CRY2: variants seen among roughly 807,000 people sequenced by gnomAD.
CRY2 encodes cryptochrome circadian regulator 2.
Under a neutral mutation model 69.5 loss-of-function variants are expected in CRY2, and 31 were observed. The observed-to-expected ratio is 0.45, with a 90% CI of 0.34 to 0.60. The LOEUF (loss-of-function observed/expected upper bound fraction) is 0.60. CRY2 is among the 20% of genes least tolerant of loss of function. The probability of loss-of-function intolerance (pLI) is 0.02; values close to 1 mark genes in which losing one functional copy is unlikely to be tolerated. For missense variants in CRY2, 606 were observed against 797.8 expected, an observed-to-expected ratio of 0.76 and a Z score of 2.90; for synonymous variants, 303 against 312.2, an observed-to-expected ratio of 0.97 and a Z score of 0.31.
chr11:45,859,892 C>T (rs980419952), intron 3 of CRY2, among the ~76,000 whole-genome samples: 2 of 152,142 alleles, frequency 1.3e-5, no homozygotes, highest in Admixed American at 6.5e-5. Flanking sequence ...GCACGTGAGC[C>T]GGGCCCTCAG....
In CRY2 at chr11:45,847,708, G is replaced by A. The variant is rs1451654259; in HGVS notation, c.215+3G>A. ...TCAGTCGGGATCAACCGATGGAGGT[G>A]AGGGGACCCGGGGCTGGGTGGCGGG... On this transcript the variant is annotated splice_donor_region_variant and intron_variant, in intron 1 of 11. Transcript: ENST00000616080. 2 of 1,558,596 alleles carry A rather than the reference G, an allele frequency of 1.3e-6. No homozygotes were observed. The highest frequency in any genetic ancestry group is 1.7e-6 in the Non-Finnish European group (2 of 1,151,246).
intron 2 of CRY2, 127 bp from the exon 3 acceptor site, chr11:45,858,604 G>GT: frequency 9.3e-7 from 1 of 1,076,304 alleles, no homozygotes; most frequent in Non-Finnish European, 1.3e-6. Context: ...CCTGTTCCTA[G>GT]TTTTTTCTGC....
chr11:45,877,307 G>A lies in CRY2; in HGVS notation c.*3-3607G>A, dbSNP rs947622864. Among the ~76,000 whole-genome samples the A allele has an allele frequency of 3.3e-5, 5 of 152,256 alleles. 1 individual carries two copies. The East Asian group carries it at 9.6e-4, about 29-fold the overall frequency. On this transcript the variant is annotated intron_variant, in intron 11 of 11. Coordinates refer to ENST00000616080, the MANE Select transcript of CRY2 (RefSeq NM_021117.5). ...TTGGGCACTGTGCCTTGCCCAATAT[G>A]ATGGGGAGAGGGAAACATTGAGACT...
Position 45,862,163 on chromosome 11 carries a change from T to G in CRY2, c.741+15T>G, listed in dbSNP as rs756348272. ...TGGAACGGAAGGTATGGGCCGTTTC[T>G]GAGACACAGAGCTGCAGATACTGAT... On this transcript the variant is annotated intron_variant, in intron 5 of 11. Coordinates refer to ENST00000616080, the MANE Select transcript of CRY2 (RefSeq NM_021117.5). 5.6e-6 allele frequency: 9 copies of G among 1,610,040 alleles called. No homozygotes were observed. In the Admixed American group the frequency reaches 1.5e-4, roughly 27 times the overall value.
At chr11:45,873,297 C>A (rs1480507526) in intron 11 of CRY2, among the ~76,000 whole-genome samples, 1 of 152,150 alleles carries the variant, frequency 6.6e-6, no homozygotes, top group African/African-American at 2.4e-5. Context: ...AGGGCCAGGC[C>A]GCAGCCATCT....
intron 11 of CRY2, among the ~76,000 whole-genome samples, chr11:45,875,524 A>G (rs1011906848): frequency 1.3e-5 from 2 of 152,196 alleles, no homozygotes; most frequent in African/African-American, 4.8e-5. Context: ...ATGCAGAGGT[A>G]AATGCCCGTC....
intron 11 of CRY2, among the ~76,000 whole-genome samples, chr11:45,875,137 A>G (rs1590773212): frequency 6.6e-6 from 1 of 152,334 alleles, no homozygotes; most frequent in East Asian, 1.9e-4. Context: ...TGCCTCCTGA[A>G]CACATTTTAG....
chr11:45,879,322 T>G (rs1187347891), intron 11 of CRY2, among the ~76,000 whole-genome samples: 3 of 152,164 alleles, frequency 2.0e-5, no homozygotes. Context: ...CCAGATAAAT[T>G]ATCATCAGAT....
chr11:45,867,918 C>G (rs2086344499), intron 6 of CRY2, 166 bp downstream of exon 6: 1 of 858,472 alleles, frequency 1.2e-6, no homozygotes, highest in African/African-American at 1.7e-5. Context: ...GACTCAATAT[C>G]CAAGAGGGCA....
chr11:45,865,638 A>G (rs2086324874), intron 5 of CRY2, among the ~76,000 whole-genome samples: 1 of 152,208 alleles, frequency 6.6e-6, no homozygotes, highest in Non-Finnish European at 1.5e-5. Context: ...CTGCTTGTGC[A>G]GAGGCAAAGG....
At chr11:45,847,158 G>A (rs549459670), upstream of CRY2, 11 of 1,543,826 alleles carry the variant, frequency 7.1e-6, no homozygotes, top group African/African-American at 1.2e-4. Flanking sequence ...ACGTGGGTAA[G>A]AGATCCGCTG....
chr11:45,866,962 G>GA (rs1289531041), intron 5 of CRY2, among the ~76,000 whole-genome samples: 271 of 149,548 alleles, frequency 1.8e-3, no homozygotes, highest in African/African-American at 6.1e-3. Flanking sequence ...TCTCAAAAAA[G>GA]AAAAAAAAAT....
Position 45,883,054 on chromosome 11 carries a change from T to C in CRY2, c.*2143T>C, listed in dbSNP as rs1184819553. 4.1e-6 allele frequency: 1 copy of C among 246,628 alleles called. No individual in the cohort carries two copies. Among genetic ancestry groups the C allele is most frequent in the Non-Finnish European group, 7.7e-6 (1 of 129,304 alleles). 15.3% of individuals were successfully genotyped at this position (246,628 alleles called of 1,614,324 possible). A position where few individuals can be genotyped will look rare whatever the true frequency, so the allele number is the denominator to read the frequency against. On this transcript the variant is annotated 3_prime_UTR_variant, in exon 12 of 12. Transcript: ENST00000616080. Reference sequence around the variant, plus strand: ...CCATGGTGGCTTCATGCCTCCCTTCTCCCAGCTCAGGTGGCCCTGAGGGCT... The same window carrying C: ...CCATGGTGGCTTCATGCCTCCCTTCCCCCAGCTCAGGTGGCCCTGAGGGCT...
At chr11:45,871,051 C>T (rs962976892) in intron 10 of CRY2, 117 bp downstream of exon 10, 1 of 793,024 alleles carries the variant, frequency 1.3e-6, no homozygotes. Context: ...CCACCTGGGG[C>T]AGTCAGATAG....
chr11:45,850,759 G>C (rs1181045998), intron 1 of CRY2, among the ~76,000 whole-genome samples: 2 of 152,092 alleles, frequency 1.3e-5, no homozygotes, highest in Non-Finnish European at 2.9e-5. Flanking sequence ...AGCCTCCCTG[G>C]GAAGGGCAAG....
At chr11:45,872,764 A>T (rs954332714) in intron 11 of CRY2, among the ~76,000 whole-genome samples, 2 of 152,210 alleles carry the variant, frequency 1.3e-5, no homozygotes, top group African/African-American at 4.8e-5. Context: ...TCTACCTATT[A>T]AAATGAGTCA....
chr11:45,860,740 A>G, intron 3 of CRY2, 108 bp from the exon 4 acceptor site: 1 of 1,269,562 alleles, frequency 7.9e-7, no homozygotes, highest in Non-Finnish European at 1.1e-6. Flanking sequence ...TGAGTGGATG[A>G]GGAAAGCCAC....
intron 11 of CRY2, among the ~76,000 whole-genome samples, chr11:45,872,567 G>A (rs1181830945): frequency 6.6e-6 from 1 of 151,956 alleles, no homozygotes; most frequent in African/African-American, 2.4e-5. Context: ...CCAACATAGT[G>A]AGACTCCATC....
intron 5 of CRY2, among the ~76,000 whole-genome samples, 177 bp downstream of exon 5, chr11:45,862,325 G>T (rs537435348): frequency 2.6e-5 from 4 of 152,202 alleles, no homozygotes; most frequent in African/African-American, 9.7e-5. Context: ...ACCATTTAGA[G>T]AGTACTTACC....
Sources: gnomAD v4.1 joint callset for allele counts (sites outside exome capture counted in the v4.1 genomes callset) on GRCh38, gnomAD v4.1.1 for gene constraint, MANE v1.5 for transcripts, NCBI Gene and HGNC (gene_info 2026-07-23, HGNC 2026-07-21) for gene names.